CDH1: variants seen among roughly 807,000 people sequenced by gnomAD.
The protein encoded by CDH1 is cadherin-1.
CDH1 carries 35 observed loss-of-function variants against 84.5 expected under a neutral mutation model. The observed-to-expected ratio is 0.41, with a 90% CI of 0.32 to 0.55. The LOEUF (loss-of-function observed/expected upper bound fraction) is 0.55, where lower values mean the gene tolerates loss of function less well. Ranked by LOEUF, CDH1 falls within the 20% of genes least tolerant of loss-of-function variation. The pLI, the probability that CDH1 is intolerant of heterozygous loss-of-function variation, is 0.19. For missense variants in CDH1, 994 were observed against 1,126.6 expected, an observed-to-expected ratio of 0.88 and a Z score of 1.68; for synonymous variants, 417 against 439.0, an observed-to-expected ratio of 0.95 and a Z score of 0.63.
chr16:68,820,251 C>T (rs1961103170), intron 11 of CDH1, among the ~76,000 whole-genome samples: 1 of 152,006 alleles, frequency 6.6e-6, no homozygotes, highest in South Asian at 2.1e-4. Context: ...ACTTACTTTT[C>T]ACTACTCACT....
At chr16:68,833,223 T>A in intron 15 of CDH1, 67 bp from the exon 16 acceptor site, 1 of 1,404,820 alleles carries the variant, frequency 7.1e-7, no homozygotes, top group South Asian at 1.2e-5. Context: ...ATTGCTAGAC[T>A]TCTTGCCCCA....
At position 68,809,226 on chromosome 16, in the gene CDH1, C is replaced by CTTT. The variant is rs536314715; in HGVS notation, c.687+392_687+394dup. 1.7e-4 allele frequency among the ~76,000 whole-genome samples: 23 copies of CTTT among 135,462 alleles called. 1 individual carries two copies. The highest frequency in any genetic ancestry group is 2.7e-4 in the African/African-American group (10 of 36,456). The allele number at this position is 135,462 out of a possible 152,430, so 88.9% of individuals were successfully genotyped here. On this transcript the variant is annotated intron_variant, in intron 5 of 15. Coordinates refer to ENST00000261769, the MANE Select transcript of CDH1 (RefSeq NM_004360.5). The stretch of plus-strand genomic sequence containing the variant: ...CAAGAGCTTAGGAAAACCAAGAGGT[C>CTTT]TTTTTTTTTTTTTTTTGAGATAGGG...
At chr16:68,749,521 A>G (rs143519404) in intron 2 of CDH1, among the ~76,000 whole-genome samples, 50 of 152,322 alleles carry the variant, frequency 3.3e-4, no homozygotes, top group Non-Finnish European at 5.7e-4. Flanking sequence ...GAGAGTGTTT[A>G]CTTGAAGGTG....
At chr16:68,785,382 C>T (rs151030450) in intron 2 of CDH1, among the ~76,000 whole-genome samples, 1,994 of 152,126 alleles carry the variant, frequency 0.013, 53 homozygotes, top group African/African-American at 0.044. Context: ...AGTAGAGACA[C>T]GGTTTTACCA....
At chr16:68,810,163 C>G (rs2152130936) in intron 5 of CDH1, 34 bp from the exon 6 acceptor site, 1 of 1,613,460 alleles carries the variant, frequency 6.2e-7, no homozygotes, top group Non-Finnish European at 8.5e-7. Flanking sequence ...TCTTCCTCAT[C>G]AGAGCTCAAG....
chr16:68,801,623 T>C (rs2152126504), intron 2 of CDH1, 47 bp from the exon 3 acceptor site: 1 of 1,498,416 alleles, frequency 6.7e-7, no homozygotes, highest in African/African-American at 1.4e-5. Flanking sequence ...AATGCTCTTG[T>C]CTTTAATCTG....
intron 15 of CDH1, 146 bp downstream of exon 15, chr16:68,829,943 CTTTTTTTTTCTTTTTCT>C (rs1961439307): frequency 3.5e-4 from 216 of 613,360 alleles, no homozygotes; most frequent in African/African-American, 1.4e-3. Flanking sequence ...TTTCCTTTTT[CTTTTTTTTTCTTTTTCT>C]TTTTTTTTTT....
At chr16:68,787,715 A>G (rs149057887) in intron 2 of CDH1, among the ~76,000 whole-genome samples, 17 of 151,910 alleles carry the variant, frequency 1.1e-4, no homozygotes, top group Admixed American at 7.9e-4. Flanking sequence ...CTGGAGTGCA[A>G]TGGTGCAATC....
At chr16:68,810,431 C>G (rs35378501) in intron 6 of CDH1, 90 bp downstream of exon 6, 6 of 1,267,436 alleles carry the variant, frequency 4.7e-6, no homozygotes, top group East Asian at 2.3e-5. Context: ...GGTTGTGTAA[C>G]TAAAGCTGAT....
chr16:68,823,988 A>ATTTT (rs1961248246), intron 13 of CDH1, among the ~76,000 whole-genome samples: 2 of 104,534 alleles, frequency 1.9e-5, no homozygotes, highest in African/African-American at 8.9e-5. Flanking sequence ...CAGATTCTGC[A>ATTTT]TTTCTTTTTT....
intron 2 of CDH1, among the ~76,000 whole-genome samples, chr16:68,749,047 G>T (rs1597847902): frequency 6.6e-6 from 1 of 152,144 alleles, no homozygotes; most frequent in East Asian, 1.9e-4. Context: ...CAGTTGGCCA[G>T]GCTGGTCTTG....
intron 2 of CDH1, among the ~76,000 whole-genome samples, chr16:68,777,812 AC>A (rs1959776509): frequency 6.6e-6 from 1 of 151,752 alleles, no homozygotes; most frequent in African/African-American, 2.4e-5. Context: ...GCTCACTGCA[AC>A]CTTTGCCTCC....
chr16:68,794,847 C>A (rs941330065), intron 2 of CDH1, among the ~76,000 whole-genome samples: 1 of 135,030 alleles, frequency 7.4e-6, no homozygotes, highest in African/African-American at 3.0e-5. Context: ...CCACCATGCC[C>A]AGCTATTTTT....
chr16:68,835,353 C>T lies in CDH1; in HGVS notation c.*1854C>T, dbSNP rs1268979328. On this transcript the variant is annotated 3_prime_UTR_variant, in exon 16 of 16. Coordinates refer to ENST00000261769, the MANE Select transcript of CDH1 (RefSeq NM_004360.5). ...ACTTTTTGGAATTGTCTTGATTTTT[C>T]GGCAGTTCAAGCTATATCGAATATA... 4 of 223,494 alleles carry T rather than the reference C, an allele frequency of 1.8e-5. No homozygotes were observed. Among genetic ancestry groups the T allele is most frequent in the South Asian group, 3.7e-4 (2 of 5,436 alleles). The allele number at this position is 223,494 out of a possible 1,614,324, so 13.8% of individuals were successfully genotyped here.
chr16:68,780,342 C>T (rs536615196), intron 2 of CDH1, among the ~76,000 whole-genome samples: 1 of 152,194 alleles, frequency 6.6e-6, no homozygotes, highest in Non-Finnish European at 1.5e-5. Context: ...CCCTTTGTCA[C>T]CCAGGTTGGA....
intron 2 of CDH1, among the ~76,000 whole-genome samples, chr16:68,799,406 A>G (rs936949193): frequency 1.3e-5 from 2 of 152,156 alleles, no homozygotes; most frequent in Non-Finnish European, 2.9e-5. Context: ...CTCCCTTCGT[A>G]TGAACGAGCT....
At chr16:68,808,143 T>G (rs1960715992) in intron 3 of CDH1, among the ~76,000 whole-genome samples, 1 of 152,262 alleles carries the variant, frequency 6.6e-6, no homozygotes, top group Admixed American at 6.5e-5. Flanking sequence ...CTGAAACCAA[T>G]ACTTGTGTAT....
intron 3 of CDH1, among the ~76,000 whole-genome samples, chr16:68,807,601 C>G (rs938724758): frequency 5.3e-5 from 8 of 151,902 alleles, no homozygotes; most frequent in African/African-American, 1.5e-4. Flanking sequence ...AGGTCAGAGG[C>G]TTGCCTGAGC....
intron 2 of CDH1, among the ~76,000 whole-genome samples, chr16:68,773,130 G>C (rs919165367): frequency 6.6e-6 from 1 of 152,060 alleles, no homozygotes; most frequent in Non-Finnish European, 1.5e-5. Flanking sequence ...GGTGTGGATG[G>C]GTGAGGTTTG....
Sources: gnomAD v4.1 joint callset for allele counts (sites outside exome capture counted in the v4.1 genomes callset) on GRCh38, gnomAD v4.1.1 for gene constraint, MANE v1.5 for transcripts, NCBI Gene and HGNC (gene_info 2026-07-23, HGNC 2026-07-21) for gene names.